The following ACOT7 variants were observed in gnomAD, a reference collection of about 807,000 sequenced individuals.
The protein encoded by ACOT7 is acyl-CoA thioesterase 7.
In ACOT7, 12 loss-of-function variants were observed where a neutral mutation model predicts 40.2. That is an observed-to-expected ratio of 0.30 (90% CI 0.19 to 0.48). The LOEUF is 0.48. Among genes scored for constraint, ACOT7 ranks in the 20% least tolerant of loss-of-function variants. The pLI is 0.99. For synonymous variants in ACOT7, 228 were observed against 219.5 expected (o/e 1.04, Z -0.34); for missense variants, 395 against 530.8 (o/e 0.74, Z 2.51).
chr1:6,295,450 A>T (rs1312156865), intron 6 of ACOT7: 1 of 155,010 alleles, frequency 6.5e-6, no homozygotes, highest in Non-Finnish European at 1.4e-5. Flanking sequence ...TAGCAATTCC[A>T]CTCCTAGGCA....
chr1:6,327,988 C>T (rs1405549301), intron 4 of ACOT7, among the ~76,000 whole-genome samples: 1 of 152,036 alleles, frequency 6.6e-6, no homozygotes, highest in African/African-American at 2.4e-5. Context: ...TGGCCAGGCT[C>T]ATCTTGATCT....
chr1:6,308,820 C>T (rs74049529), intron 6 of ACOT7, among the ~76,000 whole-genome samples: 15 of 152,130 alleles, frequency 9.9e-5, no homozygotes, highest in South Asian at 4.2e-4. Flanking sequence ...GAGGGAAAAG[C>T]GACTGGGCGG....
rs1279929187 is a variant in ACOT7, at chr1:6,278,332, A to G, written c.1014+2770T>C. On this transcript the variant is annotated intron_variant, in intron 8 of 8. Coordinates refer to ENST00000361521, the MANE Select transcript of ACOT7 (RefSeq NM_007274.4). The surrounding 1 kb of genome is among the most constrained non-coding windows in gnomAD (Gnocchi z 4.1). Reference sequence around the variant, plus strand: ...GGGAGCAACTCGGATTTTGATGACCAGTTTCCTGGGCTGCAGGGAAGGGTC... The same window carrying G: ...GGGAGCAACTCGGATTTTGATGACCGGTTTCCTGGGCTGCAGGGAAGGGTC... 3.3e-5 allele frequency among the ~76,000 whole-genome samples: 5 copies of G among 152,132 alleles called. No individual in the cohort carries two copies. The highest frequency in any genetic ancestry group is 1.2e-4 in the African/African-American group (5 of 41,410).
rs908449405 is a variant in ACOT7 at position 6,301,540 on chromosome 1, G to A, written c.713-6560C>T. ...GATGTGACATGGACGCCTGCACTGG[G>A]TGAGGACCTGCCTCGTTGTCCCTGT... On this transcript the variant is annotated intron_variant, in intron 6 of 8. Coordinates refer to ENST00000361521, the MANE Select transcript of ACOT7 (RefSeq NM_007274.4). The surrounding 1 kb of genome is among the most constrained non-coding windows in gnomAD (Gnocchi z 4.1). Among the ~76,000 whole-genome samples, 3 of 152,210 alleles carry A rather than the reference G, an allele frequency of 2.0e-5. No homozygotes were observed. Among genetic ancestry groups the A allele is most frequent in the Admixed American group, 2.0e-4 (3 of 15,270 alleles).
intron 3 of ACOT7, among the ~76,000 whole-genome samples, chr1:6,336,607 G>A (rs1382223997): frequency 1.3e-5 from 2 of 152,124 alleles, no homozygotes; most frequent in East Asian, 1.9e-4. Context: ...CAGATGTCAC[G>A]CACACAGCTT....
chr1:6,304,931 T>G (rs1259012320), intron 6 of ACOT7, among the ~76,000 whole-genome samples: 1 of 133,472 alleles, frequency 7.5e-6, no homozygotes, highest in Non-Finnish European at 1.6e-5. Flanking sequence ...GACAGGGTGG[T>G]GGCCGGGCAG....
rs903649418 is a variant in ACOT7, at chr1:6,278,470, C to T, written c.1014+2632G>A. Reference sequence around the variant, plus strand: ...GAGGAGTGGAGCGGCACTGGGTGGGCGTGGGCATGGGGGGAGTAGGGAGGA... The same window carrying T: ...GAGGAGTGGAGCGGCACTGGGTGGGTGTGGGCATGGGGGGAGTAGGGAGGA... On this transcript the variant is annotated intron_variant, in intron 8 of 8. Coordinates refer to ENST00000361521, the MANE Select transcript of ACOT7 (RefSeq NM_007274.4). The surrounding 1 kb of genome is among the most constrained non-coding windows in gnomAD (Gnocchi z 4.1). 6.6e-6 allele frequency among the ~76,000 whole-genome samples: 1 copy of T among 151,882 alleles called. No individual in the cohort carries two copies. The highest frequency in any genetic ancestry group is 2.4e-5 in the African/African-American group (1 of 41,314).
intron 8 of ACOT7, among the ~76,000 whole-genome samples, chr1:6,276,761 C>T (rs2148372950): frequency 6.6e-6 from 1 of 152,244 alleles, no homozygotes; most frequent in East Asian, 1.9e-4. Flanking sequence ...GGCAGCCTGC[C>T]CCGCCAGTGG....
chr1:6,388,531 G>A (rs1642479080), intron 1 of ACOT7, among the ~76,000 whole-genome samples: 1 of 150,272 alleles, frequency 6.7e-6, no homozygotes, highest in South Asian at 2.2e-4. Flanking sequence ...TTAAGGTCAG[G>A]AGTTCGAGAC....
chr1:6,339,348 G>A (rs1426500487), intron 3 of ACOT7, 85 bp downstream of exon 3: 10 of 1,588,632 alleles, frequency 6.3e-6, no homozygotes, highest in South Asian at 2.2e-5. Flanking sequence ...GCCAGGCCCT[G>A]GAGCGTCCTC....
At chr1:6,333,451 A>C in intron 4 of ACOT7, 26 bp downstream of exon 4, 1 of 1,613,052 alleles carries the variant, frequency 6.2e-7, no homozygotes, top group Non-Finnish European at 8.5e-7. Context: ...TCTGCCCCCA[A>C]GAGAGAAGTA....
At chr1:6,314,245 C>T (rs540421764) in intron 6 of ACOT7, among the ~76,000 whole-genome samples, 2 of 152,232 alleles carry the variant, frequency 1.3e-5, no homozygotes, top group East Asian at 1.9e-4. Flanking sequence ...CTGAAACTTA[C>T]GCATCAAGGG....
intron 6 of ACOT7, among the ~76,000 whole-genome samples, chr1:6,312,239 A>C (rs1203374950): frequency 6.6e-6 from 1 of 152,202 alleles, no homozygotes; most frequent in African/African-American, 2.4e-5. Context: ...AAGGGGTATT[A>C]CAAAATTGAA....
At chr1:6,287,277 G>T (rs746493749) in intron 7 of ACOT7, among the ~76,000 whole-genome samples, 6 of 152,262 alleles carry the variant, frequency 3.9e-5, no homozygotes, top group Non-Finnish European at 8.8e-5. Flanking sequence ...TTTAGGCCAG[G>T]TCGCTGGGGA....
At chr1:6,371,072 G>C (rs1182442021) in intron 1 of ACOT7, among the ~76,000 whole-genome samples, 1 of 152,070 alleles carries the variant, frequency 6.6e-6, no homozygotes, top group Admixed American at 6.6e-5. Context: ...GCCTCCCAAA[G>C]TGCTGGGATT....
At position 6,281,204 on chromosome 1, in the gene ACOT7, A is replaced by G; in HGVS notation, c.912T>C (p.Pro304=). 1.2e-6 allele frequency: 2 copies of G among 1,613,996 alleles called. No homozygotes were observed. Among genetic ancestry groups the G allele is most frequent in the Non-Finnish European group, 1.7e-6 (2 of 1,180,004 alleles). ...MEIEVLVDAD[P]VVDSSQKRYR... Reference sequence around the variant, plus strand: ...AGCGCTTCTGAGAGCTGTCCACAACAGGGTCGGCGTCCACCAACACCTCGA... The same window carrying G: ...AGCGCTTCTGAGAGCTGTCCACAACGGGGTCGGCGTCCACCAACACCTCGA... Residue 304 remains proline, a synonymous_variant, in exon 8 of 9, where the codon CCT becomes CCC. Coordinates refer to ENST00000361521, the MANE Select transcript of ACOT7 (RefSeq NM_007274.4).
At chr1:6,341,455 A>C (rs1641274801) in intron 2 of ACOT7, among the ~76,000 whole-genome samples, 1 of 150,712 alleles carries the variant, frequency 6.6e-6, no homozygotes, top group Admixed American at 6.6e-5. Context: ...TTAAAAATTT[A>C]AAAGTGGCCA....
At chr1:6,339,684 G>C in intron 2 of ACOT7, 95 bp from the exon 3 acceptor site, 1 of 1,457,670 alleles carries the variant, frequency 6.9e-7, no homozygotes, top group Non-Finnish European at 9.2e-7. Context: ...CTTTGCCTTT[G>C]CTTTCATTCC....
In ACOT7 at chr1:6,274,333, G is replaced by T. The variant is rs573601345; in HGVS notation, c.1014+6769C>A. On this transcript the variant is annotated intron_variant, in intron 8 of 8. Transcript: ENST00000361521. The surrounding 1 kb of genome is among the most constrained non-coding windows in gnomAD (Gnocchi z 5.9). ...AGCCCCCACATCAGTGCGTCACAAA[G>T]CTGTGGCCCTCAGCACTGCATGGCA... 6.6e-6 allele frequency among the ~76,000 whole-genome samples: 1 copy of T among 152,342 alleles called. No individual in the cohort carries two copies. The highest frequency in any genetic ancestry group is 2.4e-5 in the African/African-American group (1 of 41,590).
Sources: allele counts gnomAD v4.1 joint callset (sites outside exome capture counted in the v4.1 genomes callset), GRCh38; gene constraint gnomAD v4.1.1; non-coding constraint Gnocchi (gnomAD v3.1); transcripts MANE v1.5; gene names NCBI Gene and HGNC (gene_info 2026-07-23, HGNC 2026-07-21).